The following DAB1 variants were observed in gnomAD, a reference collection of about 807,000 sequenced individuals.
The protein encoded by DAB1 is DAB adaptor protein 1.
In DAB1, 15 loss-of-function variants were observed where a neutral mutation model predicts 64.6. The ratio of observed to expected loss-of-function variants is 0.23; its 90% CI spans 0.16 to 0.36. The LOEUF is 0.36. Among genes scored for constraint, DAB1 ranks in the 10% least tolerant of loss-of-function variants. The pLI, the probability that DAB1 is intolerant of heterozygous loss-of-function variation, is 1.00. For synonymous variants in DAB1, 235 were observed against 251.9 expected (o/e 0.93, Z 0.64); for missense variants, 596 against 706.7 (o/e 0.84, Z 1.78).
chr1:58,508,706 G>T (rs904682081), intron 2 of DAB1, among the ~76,000 whole-genome samples: 1 of 151,864 alleles, frequency 6.6e-6, no homozygotes, highest in African/African-American at 2.4e-5. Flanking sequence ...AATCTAAAAC[G>T]CCCTAGATAT....
intron 7 of DAB1, among the ~76,000 whole-genome samples, chr1:57,472,842 T>C (rs1687190756): frequency 6.6e-6 from 1 of 152,230 alleles, no homozygotes; most frequent in South Asian, 2.1e-4. Context: ...TCTTATCATT[T>C]GCCTTAGCAT....
intron 4 of DAB1, among the ~76,000 whole-genome samples, chr1:58,260,304 A>G (rs549749243): frequency 6.6e-6 from 1 of 152,270 alleles, no homozygotes; most frequent in African/African-American, 2.4e-5. Context: ...AGTTTAGGGA[A>G]AGAATAGGAA....
chr1:57,624,929 T>A (rs989810024), intron 7 of DAB1, among the ~76,000 whole-genome samples: 2 of 152,228 alleles, frequency 1.3e-5, no homozygotes, highest in Non-Finnish European at 2.9e-5. Flanking sequence ...TTCATTTTTT[T>A]AAAGATTTTT....
chr1:58,467,235 A>G (rs1323120864), intron 3 of DAB1, among the ~76,000 whole-genome samples: 2 of 152,224 alleles, frequency 1.3e-5, no homozygotes, highest in Admixed American at 1.3e-4. Context: ...AGTGGCTGTC[A>G]CTGTAACAGG....
At chr1:58,119,212 TTGTGTGTGTG>T (rs559199475) in intron 5 of DAB1, among the ~76,000 whole-genome samples, 2 of 122,256 alleles carry the variant, frequency 1.6e-5, no homozygotes, top group African/African-American at 3.1e-5. Context: ...AAATCAAATA[TTGTGTGTGTG>T]TGCGTGTGTG....
intron 3 of DAB1, among the ~76,000 whole-genome samples, chr1:58,412,754 G>A (rs1193465980): frequency 6.6e-6 from 1 of 152,232 alleles, no homozygotes; most frequent in Non-Finnish European, 1.5e-5. Context: ...TGAAGAAAGA[G>A]CACTGGACAG....
upstream of DAB1, among the ~76,000 whole-genome samples, chr1:57,426,569 T>A (rs1037030171): frequency 3.3e-5 from 5 of 152,144 alleles, no homozygotes; most frequent in African/African-American, 9.7e-5. Flanking sequence ...AGTGAACGTT[T>A]CTTTATCATC....
At chr1:58,419,022 G>T (rs1644747472) in intron 3 of DAB1, among the ~76,000 whole-genome samples, 1 of 152,166 alleles carries the variant, frequency 6.6e-6, no homozygotes, top group Admixed American at 6.5e-5. Context: ...CAGCCCTGGG[G>T]CCTCCAGCAC....
Position 57,343,899 on chromosome 1 carries a change from T to A in DAB1, c.-136-52733A>T, listed in dbSNP as rs183136729. ...AAGGGCTCCTCAAGTGTGGCCAGAG[T>A]GGGCGCCAAGGCCAAGGAGGCGCCC... On this transcript the variant is annotated intron_variant, in intron 1 of 14. Coordinates refer to ENST00000371236, the MANE Select transcript of DAB1 (RefSeq NM_001365792.1). Among the ~76,000 whole-genome samples, 3 of 152,186 alleles carry A rather than the reference T, an allele frequency of 2.0e-5. No individual in the cohort carries two copies. The East Asian group carries it at 5.8e-4, about 30-fold the overall frequency.
intron 7 of DAB1, among the ~76,000 whole-genome samples, chr1:57,445,473 G>T (rs1184679570): frequency 6.6e-6 from 1 of 152,040 alleles, no homozygotes; most frequent in African/African-American, 2.4e-5. Context: ...ATTCTAATTA[G>T]AATCATTTGG....
In DAB1 at chr1:57,015,314, G is replaced by C; in HGVS notation, c.1013C>G (p.Pro338Arg). Reference protein sequence around the residue: ...PVAQVMPGAQPIAWGQPGLFP... With the variant: ...PVAQVMPGAQRIAWGQPGLFP... Reference sequence around the variant, plus strand: ...GAGACCCGGCTGGCCCCATGCGATGGGCTGAGCCCCCGGCATCACCTGAGC... The same window carrying C: ...GAGACCCGGCTGGCCCCATGCGATGCGCTGAGCCCCCGGCATCACCTGAGC... Residue 338 changes from proline (P) to arginine (R), a missense_variant, in exon 12 of 15, where the codon CCC (proline) becomes CGC (arginine). Around this residue, in one of 3 missense-constraint regions of DAB1, gnomAD observed 377 missense variants for 400.4 expected, o/e 0.94. Coordinates refer to ENST00000371236, the MANE Select transcript of DAB1 (RefSeq NM_001365792.1). 2 of 1,614,102 alleles carry C rather than the reference G, an allele frequency of 1.2e-6. No homozygotes were observed. The highest frequency in any genetic ancestry group is 1.3e-5 in the African/African-American group (1 of 75,026).
chr1:57,331,429 A>G (rs1676662145), intron 1 of DAB1, among the ~76,000 whole-genome samples: 1 of 152,228 alleles, frequency 6.6e-6, no homozygotes, highest in African/African-American at 2.4e-5. Flanking sequence ...AGGAGGCAGT[A>G]TGGCACCATG....
intron 6 of DAB1, among the ~76,000 whole-genome samples, chr1:57,707,111 A>C (rs1403870030): frequency 6.6e-6 from 1 of 151,858 alleles, no homozygotes; most frequent in African/African-American, 2.4e-5. Context: ...CCCCCAAAAA[A>C]CAGATATATT....
intron 3 of DAB1, among the ~76,000 whole-genome samples, chr1:58,504,420 C>T (rs529080962): frequency 9.2e-5 from 14 of 152,294 alleles, no homozygotes; most frequent in African/African-American, 2.9e-4. Context: ...TGCTTCCTTC[C>T]GGATTCTGAT....
chr1:58,052,509 G>A (rs868287247), intron 5 of DAB1, among the ~76,000 whole-genome samples: 5 of 152,172 alleles, frequency 3.3e-5, no homozygotes, highest in South Asian at 4.1e-4. Flanking sequence ...TTTGGCTTAG[G>A]ATTGACTTGG....
At chr1:58,272,760 A>G (rs1411575041) in intron 4 of DAB1, among the ~76,000 whole-genome samples, 1 of 152,082 alleles carries the variant, frequency 6.6e-6, no homozygotes, top group Non-Finnish European at 1.5e-5. Flanking sequence ...TGTTGAATTG[A>G]TCCCTTTACC....
intron 5 of DAB1, among the ~76,000 whole-genome samples, chr1:58,027,638 T>G (rs1646913522): frequency 6.6e-6 from 1 of 152,164 alleles, no homozygotes; most frequent in Non-Finnish European, 1.5e-5. Flanking sequence ...GGTTGCCTGC[T>G]TTGTTCTTCT....
At chr1:58,119,735 A>G (rs1434307287) in intron 5 of DAB1, among the ~76,000 whole-genome samples, 2 of 152,212 alleles carry the variant, frequency 1.3e-5, no homozygotes, top group Non-Finnish European at 2.9e-5. Context: ...AGGACAACAG[A>G]GCATCCATGA....
intron 4 of DAB1, among the ~76,000 whole-genome samples, chr1:58,225,404 C>T (rs1368326599): frequency 2.0e-5 from 3 of 151,786 alleles, no homozygotes; most frequent in Admixed American, 6.6e-5. Context: ...GTCAGTGTGG[C>T]GATTCCTCAG....
Sources: allele counts gnomAD v4.1 joint callset (sites outside exome capture counted in the v4.1 genomes callset), GRCh38; gene constraint gnomAD v4.1.1; regional missense constraint gnomAD v4.1.1; transcripts MANE v1.5; gene names NCBI Gene and HGNC (gene_info 2026-07-23, HGNC 2026-07-21).